KMO: variants seen among roughly 807,000 people sequenced by gnomAD.
The protein encoded by KMO is kynurenine 3-hydroxylase.
Under a neutral mutation model 57.8 loss-of-function variants are expected in KMO, and 24 were observed. That is an observed-to-expected ratio of 0.42 (90% CI 0.30 to 0.58). The LOEUF (loss-of-function observed/expected upper bound fraction) is 0.58. Ranked by LOEUF, KMO falls within the 20% of genes least tolerant of loss-of-function variation. The probability of loss-of-function intolerance (pLI) is 0.22; values close to 1 mark genes in which losing one functional copy is unlikely to be tolerated. For synonymous variants in KMO, 210 were observed against 193.6 expected (o/e 1.08, Z -0.70); for missense variants, 483 against 588.2 (o/e 0.82, Z 1.85).
chr1:241,568,537 C>T lies in KMO; in HGVS notation c.847C>T (p.Gln283Ter), dbSNP rs1490925070. Reference sequence around the variant, plus strand: ...GCAAGATTTCTTCCTGTTGCCTGCCCAGCCCATGATATCTGTAAAGTGCTC... The same window carrying T: ...GCAAGATTTCTTCCTGTTGCCTGCCTAGCCCATGATATCTGTAAAGTGCTC... ...LVQDFFLLPA[Q>*]PMISVKCSSF... Residue 283 changes from glutamine to a stop codon, truncating the protein, a stop_gained, in exon 10 of 15, where the codon CAG becomes TAG. Coordinates refer to ENST00000366559, the MANE Select transcript of KMO (RefSeq NM_003679.5). LOFTEE classifies it high-confidence loss of function. 6.2e-7 allele frequency: 1 copy of T among 1,613,646 alleles called. No individual in the cohort carries two copies. Among genetic ancestry groups the T allele is most frequent in the Non-Finnish European group, 8.5e-7 (1 of 1,179,744 alleles).
chr1:241,548,923 G>A (rs1661261255), intron 2 of KMO, 25 bp downstream of exon 2: 1 of 1,514,260 alleles, frequency 6.6e-7, no homozygotes, highest in East Asian at 2.3e-5. Context: ...AAAAAAGCAG[G>A]ATGAACGCTG....
intron 4 of KMO, among the ~76,000 whole-genome samples, chr1:241,554,830 A>AAG: frequency 6.6e-6 from 1 of 151,206 alleles, no homozygotes; most frequent in South Asian, 2.1e-4. Flanking sequence ...AAAAAAAAAA[A>AAG]AATTAGCTGA....
At chr1:241,555,391 T>C (rs1322041300) in intron 4 of KMO, among the ~76,000 whole-genome samples, 2 of 152,220 alleles carry the variant, frequency 1.3e-5, no homozygotes, top group Non-Finnish European at 2.9e-5. Context: ...TATTAAACTT[T>C]GAAAAAGCCT....
intron 1 of KMO, among the ~76,000 whole-genome samples, chr1:241,538,366 T>C (rs1267110994): frequency 2.0e-5 from 3 of 152,220 alleles, no homozygotes; most frequent in Non-Finnish European, 2.9e-5. Flanking sequence ...GAAAGAGGGT[T>C]GGTGGTCTCT....
At chr1:241,588,329 CTTTTTTTTTTTTTTT>C (rs57587351) in intron 11 of KMO, among the ~76,000 whole-genome samples, 4 of 98,388 alleles carry the variant, frequency 4.1e-5, no homozygotes, top group Admixed American at 2.7e-4. Context: ...TCTTTTTTTT[CTTTTTTTTTTTTTTT>C]TTTTTTTTTG....
In KMO at chr1:241,594,460, T is replaced by A. The variant is rs1663434413; in HGVS notation, c.*2307T>A. 1.2e-6 allele frequency: 2 copies of A among 1,614,038 alleles called. No individual in the cohort carries two copies. Among genetic ancestry groups the A allele is most frequent in the African/African-American group, 1.3e-5 (1 of 74,934 alleles). On this transcript the variant is annotated 3_prime_UTR_variant, in exon 15 of 15. Coordinates refer to ENST00000366559, the MANE Select transcript of KMO (RefSeq NM_003679.5). ...GGACGAACTTGGATTACATCAACTTTGGACCCATTGGTTTTGTCGCTGTCG... is the reference window on the plus strand; with the variant it reads ...GGACGAACTTGGATTACATCAACTTAGGACCCATTGGTTTTGTCGCTGTCG...
intron 10 of KMO, among the ~76,000 whole-genome samples, chr1:241,572,282 G>A (rs1024203827): frequency 1.3e-5 from 2 of 152,016 alleles, no homozygotes; most frequent in African/African-American, 4.8e-5. Context: ...TGTTAATGGT[G>A]GAATTTCTTT....
intron 9 of KMO, among the ~76,000 whole-genome samples, chr1:241,567,269 G>A (rs1049804715): frequency 6.6e-6 from 1 of 152,166 alleles, no homozygotes; most frequent in Non-Finnish European, 1.5e-5. Context: ...TGTATTGCTC[G>A]CAGTTCTAAA....
intron 10 of KMO, among the ~76,000 whole-genome samples, chr1:241,574,178 T>A (rs1332459459): frequency 1.3e-5 from 2 of 152,146 alleles, no homozygotes; most frequent in African/African-American, 2.4e-5. Context: ...AATGAGTCTT[T>A]AGGGTTTTCT....
chr1:241,580,835 A>C (rs1156520806), intron 10 of KMO, among the ~76,000 whole-genome samples: 1 of 151,990 alleles, frequency 6.6e-6, no homozygotes, highest in South Asian at 2.1e-4. Context: ...TTTTTTGGAT[A>C]ATATGTTCTG....
At position 241,565,881 on chromosome 1, in the gene KMO, G is replaced by A. The variant is rs61825645; in HGVS notation, c.688-610G>A. 4.4e-3 allele frequency among the ~76,000 whole-genome samples: 677 copies of A among 152,188 alleles called. 4 individuals are homozygous for A. The Middle Eastern group carries it at 0.051, about 11-fold the overall frequency. On this transcript the variant is annotated intron_variant, in intron 8 of 14. Transcript: ENST00000366559. Reference sequence around the variant, plus strand: ...TACAATCCTAAAAGGAAGAAAAAGAGATGTCAAATCTAACCAACCTATTAG... The same window carrying A: ...TACAATCCTAAAAGGAAGAAAAAGAAATGTCAAATCTAACCAACCTATTAG...
chr1:241,560,875 A>C lies in KMO; in HGVS notation c.449+123A>C, dbSNP rs1028413588. The stretch of plus-strand genomic sequence containing the variant: ...AGATTATTGAAAGGATCATCCAAAT[A>C]GTTTCTAGATTCAAGGAATTTTAGA... On this transcript the variant is annotated intron_variant, in intron 6 of 14. Coordinates refer to ENST00000366559, the MANE Select transcript of KMO (RefSeq NM_003679.5). 12 of 692,342 alleles carry C rather than the reference A, an allele frequency of 1.7e-5. No homozygotes were observed. In the African/African-American group the frequency reaches 2.0e-4, roughly 11 times the overall value. 42.9% of individuals were successfully genotyped at this position (692,342 alleles called of 1,614,324 possible).
intron 9 of KMO, 120 bp from the exon 10 acceptor site, chr1:241,568,380 T>C: frequency 1.0e-6 from 1 of 977,034 alleles, no homozygotes; most frequent in Non-Finnish European, 1.6e-6. Context: ...TCTGTTTTCT[T>C]CTTGGCATTC....
At chr1:241,536,798 G>A (rs1225857147) in intron 1 of KMO, among the ~76,000 whole-genome samples, 1 of 152,110 alleles carries the variant, frequency 6.6e-6, no homozygotes. Flanking sequence ...AGATTTGTAC[G>A]TATTTTGACT....
chr1:241,537,999 G>A lies in KMO; in HGVS notation c.54+5501G>A, dbSNP rs114379465. On this transcript the variant is annotated intron_variant, in intron 1 of 14. Coordinates refer to ENST00000366559, the MANE Select transcript of KMO (RefSeq NM_003679.5). Reference sequence around the variant, plus strand: ...AGCCCAGCAAGGAGATGGAAGAACAGCTTTCAAATCCACCTCTCCAAAGAT... The same window carrying A: ...AGCCCAGCAAGGAGATGGAAGAACAACTTTCAAATCCACCTCTCCAAAGAT... Among the ~76,000 whole-genome samples, 1,219 of 152,270 alleles carry A rather than the reference G, an allele frequency of 8.0e-3. 17 individuals are homozygous for A. The highest frequency in any genetic ancestry group is 0.027 in the African/African-American group (1,133 of 41,560).
Position 241,584,991 on chromosome 1 carries a change from C to T in KMO, c.958-1688C>T, listed in dbSNP as rs530929391. On this transcript the variant is annotated intron_variant, in intron 10 of 14. Transcript: ENST00000366559. The stretch of plus-strand genomic sequence containing the variant: ...CTGTAATCCCAGCACTTTGGGAGAC[C>T]GAGACAGGTGGATCACTTGAGGTCA... Among the ~76,000 whole-genome samples the T allele has an allele frequency of 4.6e-5, 7 of 151,930 alleles. No individual in the cohort carries two copies. The East Asian group carries it at 5.8e-4, about 13-fold the overall frequency.
In KMO at chr1:241,562,074, T is replaced by C. The variant is rs1182917783; in HGVS notation, c.450-93T>C. 3.0e-6 allele frequency: 3 copies of C among 1,004,524 alleles called. No individual in the cohort carries two copies. The African/African-American group carries it at 4.9e-5, about 16-fold the overall frequency. 62.2% of individuals were successfully genotyped at this position (1,004,524 alleles called of 1,614,324 possible). A position where few individuals can be genotyped will look rare whatever the true frequency, so the allele number is the denominator to read the frequency against. Reference sequence around the variant, plus strand: ...ATGTGAAAGTGAGCTTTCTAAGTTATCTATGGAGCCACTACTTCTCATACC... The same window carrying C: ...ATGTGAAAGTGAGCTTTCTAAGTTACCTATGGAGCCACTACTTCTCATACC... On this transcript the variant is annotated intron_variant, in intron 6 of 14. Coordinates refer to ENST00000366559, the MANE Select transcript of KMO (RefSeq NM_003679.5).
intron 1 of KMO, among the ~76,000 whole-genome samples, chr1:241,544,796 C>A (rs529309943): frequency 1.2e-4 from 19 of 152,144 alleles, no homozygotes; most frequent in African/African-American, 4.6e-4. Context: ...AATTATATGA[C>A]TTAAACACAT....
Position 241,549,257 on chromosome 1 carries a change from GA to G in KMO, c.124+362del, listed in dbSNP as rs1558414920. Among the ~76,000 whole-genome samples the G allele has an allele frequency of 1.8e-4, 17 of 94,012 alleles. 1 individual carries two copies. The highest frequency in any genetic ancestry group is 6.3e-4 in the African/African-American group (17 of 26,880). The allele number at this position is 94,012 out of a possible 152,430, so 61.7% of individuals were successfully genotyped here. On this transcript the variant is annotated intron_variant, in intron 2 of 14. Coordinates refer to ENST00000366559, the MANE Select transcript of KMO (RefSeq NM_003679.5). The stretch of plus-strand genomic sequence containing the variant: ...AGAAAGAAAGAAAGAAAGAAAGAAA[GA>G]AAGAAAGAAAGGAAGGAAGAAAGAA...
Sources: allele counts gnomAD v4.1 joint callset (sites outside exome capture counted in the v4.1 genomes callset), GRCh38; gene constraint gnomAD v4.1.1; transcripts MANE v1.5; gene names NCBI Gene and HGNC (gene_info 2026-07-23, HGNC 2026-07-21).